The following MAPK14 variants were observed in gnomAD, a reference collection of about 807,000 sequenced individuals.
MAPK14 encodes mitogen-activated protein kinase 14, also known as CSAID-binding protein.
MAPK14 carries 16 observed loss-of-function variants against 49.6 expected under a neutral mutation model. The observed-to-expected ratio is 0.32, with a 90% CI of 0.22 to 0.49. The LOEUF is 0.49. Ranked by LOEUF, MAPK14 falls within the 20% of genes least tolerant of loss-of-function variation. The pLI is 0.99. For missense variants in MAPK14, 200 were observed against 441.2 expected (o/e 0.45, Z 4.90); for synonymous variants, 142 against 158.0 (o/e 0.90, Z 0.76).
At chr6:36,115,868 C>T (rs1179963665), downstream of MAPK14, among the ~76,000 whole-genome samples, 1 of 147,352 alleles carries the variant, frequency 6.8e-6, no homozygotes, top group Non-Finnish European at 1.5e-5. Flanking sequence ...GTGGATCTTG[C>T]AGTAAGCTGA....
At chr6:36,063,016 C>G (rs1331527753) in intron 3 of MAPK14, among the ~76,000 whole-genome samples, 1 of 152,106 alleles carries the variant, frequency 6.6e-6, no homozygotes, top group Non-Finnish European at 1.5e-5. Context: ...TCGGTTAGCA[C>G]TTTTAATTTA....
At chr6:36,084,796 C>T (rs1166874153) in intron 8 of MAPK14, among the ~76,000 whole-genome samples, 2 of 152,130 alleles carry the variant, frequency 1.3e-5, no homozygotes, top group African/African-American at 4.8e-5. Context: ...GCAAGACAGG[C>T]CAGCATTCAA....
chr6:36,089,212 AC>A (rs1765118258), intron 8 of MAPK14, among the ~76,000 whole-genome samples: 1 of 152,230 alleles, frequency 6.6e-6, no homozygotes, highest in South Asian at 2.1e-4. Context: ...ACCATGGAAT[AC>A]TATACACCCA....
intron 2 of MAPK14, among the ~76,000 whole-genome samples, chr6:36,054,391 G>T (rs532962441): frequency 5.3e-5 from 8 of 152,154 alleles, no homozygotes; most frequent in Non-Finnish European, 7.4e-5. Context: ...TGATTGTTTT[G>T]CTTTTCTTCA....
downstream of MAPK14, among the ~76,000 whole-genome samples, chr6:36,113,343 TAAAAAAA>T (rs35876911): frequency 7.0e-5 from 5 of 71,758 alleles, no homozygotes; most frequent in Admixed American, 1.8e-4. Flanking sequence ...CCCTGTCTCA[TAAAAAAA>T]AAAAAAAAAA....
chr6:36,073,200 C>T lies in MAPK14; in HGVS notation c.417+216C>T, dbSNP rs978777511. 12 of 538,486 alleles carry T rather than the reference C, an allele frequency of 2.2e-5. No homozygotes were observed. The Admixed American group carries it at 2.9e-4, about 13-fold the overall frequency. The allele number at this position is 538,486 out of a possible 1,614,324, so 33.4% of individuals were successfully genotyped here. A position where few individuals can be genotyped will look rare whatever the true frequency, so the allele number is the denominator to read the frequency against. On this transcript the variant is annotated intron_variant, in intron 4 of 11. Transcript: ENST00000229794. The stretch of plus-strand genomic sequence containing the variant: ...CATGTTTCTTTTGTATTTCCCAAGC[C>T]CTGGATTATTTTAAAGCAAGTCTAG...
downstream of MAPK14, among the ~76,000 whole-genome samples, chr6:36,113,694 T>A (rs1766013650): frequency 4.6e-5 from 7 of 152,248 alleles, no homozygotes; most frequent in South Asian, 1.4e-3. Flanking sequence ...CTGTAATGTG[T>A]ACCTTTTTTT....
At chr6:36,049,011 G>A (rs1305618626) in intron 1 of MAPK14, among the ~76,000 whole-genome samples, 1 of 152,198 alleles carries the variant, frequency 6.6e-6, no homozygotes, top group Non-Finnish European at 1.5e-5. Context: ...GACAGAGATG[G>A]AGCTGCCAGA....
At chr6:36,071,028 T>C (rs971191267) in intron 3 of MAPK14, among the ~76,000 whole-genome samples, 77 of 152,246 alleles carry the variant, frequency 5.1e-4, no homozygotes, top group Admixed American at 9.2e-4. Flanking sequence ...AACTTACACT[T>C]ATTTTTAAAA....
At chr6:36,099,504 T>C (rs1278438819) in intron 9 of MAPK14, among the ~76,000 whole-genome samples, 1 of 152,212 alleles carries the variant, frequency 6.6e-6, no homozygotes, top group African/African-American at 2.4e-5. Flanking sequence ...TGAAGAGACT[T>C]GTGGAGGAAA....
chr6:36,115,136 T>C (rs1766039044), downstream of MAPK14, among the ~76,000 whole-genome samples: 1 of 152,246 alleles, frequency 6.6e-6, no homozygotes, highest in Admixed American at 6.5e-5. Context: ...GATAATGTTA[T>C]ATTGCAGAGT....
At chr6:36,043,941 G>A (rs1763071749) in intron 1 of MAPK14, among the ~76,000 whole-genome samples, 1 of 150,438 alleles carries the variant, frequency 6.6e-6, no homozygotes, top group Non-Finnish European at 1.5e-5. Context: ...CTCCCAAGTA[G>A]CTGAGATTAT....
rs751127696 is a variant in MAPK14, at chr6:36,076,625, T to C, written c.682+17T>C. 1 of 1,603,422 alleles carries C rather than the reference T, an allele frequency of 6.2e-7. No individual in the cohort carries two copies. Among genetic ancestry groups the C allele is most frequent in the Non-Finnish European group, 8.5e-7 (1 of 1,170,384 alleles). On this transcript the variant is annotated intron_variant, in intron 8 of 11. Transcript: ENST00000229794. ...GTACAGACCGTATCCTTTAAAAAGT[T>C]TTGGATTCTTGTTTCTTATCTGTAT... is the stretch of plus-strand genomic sequence containing the variant.
chr6:36,067,765 G>C (rs887378553), intron 3 of MAPK14, among the ~76,000 whole-genome samples: 21 of 152,038 alleles, frequency 1.4e-4, no homozygotes, highest in Admixed American at 1.2e-3. Context: ...AAGATCTTTG[G>C]CACATGTATT....
chr6:36,081,638 T>C (rs1764764938), intron 8 of MAPK14, among the ~76,000 whole-genome samples: 1 of 152,234 alleles, frequency 6.6e-6, no homozygotes, highest in Non-Finnish European at 1.5e-5. Context: ...TTTTGATCAC[T>C]GTAGCTTTAT....
chr6:36,107,350 G>A lies in MAPK14; in HGVS notation c.842-105G>A. On this transcript the variant is annotated intron_variant, in intron 10 of 11. Transcript: ENST00000229794. This position sits in a 1 kb window ranked among gnomAD's most constrained non-coding sequence, Gnocchi z 4.3. Reference sequence around the variant, plus strand: ...CCTAGAGTAGGTATTTTGGAGGAGAGTTCTTTGTTTGGATATGAAGGGTCA... The same window carrying A: ...CCTAGAGTAGGTATTTTGGAGGAGAATTCTTTGTTTGGATATGAAGGGTCA... 1 of 712,046 alleles carries A rather than the reference G, an allele frequency of 1.4e-6. No homozygotes were observed. Among genetic ancestry groups the A allele is most frequent in the South Asian group, 2.7e-5 (1 of 37,284 alleles). The allele number at this position is 712,046 out of a possible 1,614,324, so 44.1% of individuals were successfully genotyped here.
intron 3 of MAPK14, among the ~76,000 whole-genome samples, chr6:36,061,134 G>A (rs193046571): frequency 7.8e-4 from 119 of 152,308 alleles, no homozygotes; most frequent in African/African-American, 2.8e-3. Flanking sequence ...AAGAAATGCT[G>A]AAGTAATGTG....
intron 8 of MAPK14, among the ~76,000 whole-genome samples, chr6:36,080,037 G>A (rs1257115367): frequency 5.3e-5 from 8 of 151,570 alleles, no homozygotes; most frequent in African/African-American, 1.5e-4. Flanking sequence ...TCCGCCTCCC[G>A]GGCTCAAGCG....
chr6:36,064,118 T>C (rs956166218), intron 3 of MAPK14, among the ~76,000 whole-genome samples: 59 of 151,910 alleles, frequency 3.9e-4, no homozygotes, highest in African/African-American at 1.2e-3. Context: ...TAGTTGGGGC[T>C]ACAGGCTCAC....
Sources: gnomAD v4.1 joint callset for allele counts (sites outside exome capture counted in the v4.1 genomes callset) on GRCh38, gnomAD v4.1.1 for gene constraint, Gnocchi (gnomAD v3.1) non-coding constraint, MANE v1.5 for transcripts, NCBI Gene and HGNC (gene_info 2026-07-23, HGNC 2026-07-21) for gene names.